CHRNA1: variants seen among roughly 807,000 people sequenced by gnomAD.
The protein encoded by CHRNA1 is cholinergic receptor nicotinic alpha 1 subunit, also known as acetylcholine receptor subunit alpha.
CHRNA1 carries 35 observed loss-of-function variants against 47.1 expected under a neutral mutation model. That is an observed-to-expected ratio of 0.74 (90% CI 0.57 to 0.99). The LOEUF (loss-of-function observed/expected upper bound fraction) is 0.99. CHRNA1 is among the 50% of genes least tolerant of loss of function. The pLI, the probability that CHRNA1 is intolerant of heterozygous loss-of-function variation, is 0.00. For synonymous variants in CHRNA1, 229 were observed against 223.6 expected (o/e 1.02, Z -0.22); for missense variants, 506 against 591.1 (o/e 0.86, Z 1.49).
chr2:174,749,496 T>G (rs900009903), intron 7 of CHRNA1, among the ~76,000 whole-genome samples: 1 of 152,232 alleles, frequency 6.6e-6, no homozygotes, highest in African/African-American at 2.4e-5. Context: ...AGTCCTTCAC[T>G]AAAACTCACT....
At chr2:174,759,177 A>G (rs1684042147) in intron 3 of CHRNA1, among the ~76,000 whole-genome samples, 154 bp downstream of exon 3, 1 of 152,184 alleles carries the variant, frequency 6.6e-6, no homozygotes, top group African/African-American at 2.4e-5. Flanking sequence ...AAGCAAAACC[A>G]AAACCAAACA....
rs1553469042 is a variant in CHRNA1 at position 174,749,940 on chromosome 2, AC to A, written c.1002+5del. The A allele has an allele frequency of 6.2e-7, 1 of 1,613,210 alleles. No homozygotes were observed. Among genetic ancestry groups the A allele is most frequent in the Non-Finnish European group, 8.5e-7 (1 of 1,179,478 alleles). ...GTGTGAAGTCTGCAGGGGCCTCCCC[AC>A]TCACCTTCCGCACCCAGTTGGGCAT... is the stretch of plus-strand genomic sequence containing the variant. On this transcript the variant is annotated splice_donor_5th_base_variant and intron_variant, in intron 7 of 8. Coordinates refer to ENST00000348749, the MANE Select transcript of CHRNA1 (RefSeq NM_000079.4).
At chr2:174,756,139 T>A (rs2105349687) in intron 4 of CHRNA1, among the ~76,000 whole-genome samples, 2 of 152,190 alleles carry the variant, frequency 1.3e-5, no homozygotes, top group South Asian at 2.1e-4. Context: ...ATGTTGGCAA[T>A]GATTTATTAT....
rs1558914914 is a variant in CHRNA1 at position 174,759,574 on chromosome 2, A to G, written c.103T>C (p.Tyr35His). The change falls in exon 2 of 9, where the codon TAC becomes CAC. Residue 35 changes from tyrosine to histidine, a missense_variant. Transcript: ENST00000348749. ...TRLVAKLFKD[Y>H]SSVVRPVEDH... ...TCCACTGGCCGCACCACGCTGCTGTAGTCTTTAAATAGCTTTGCCACCAGA... is the reference window on the plus strand; with the variant it reads ...TCCACTGGCCGCACCACGCTGCTGTGGTCTTTAAATAGCTTTGCCACCAGA... The G allele has an allele frequency of 6.2e-7, 1 of 1,614,078 alleles. No homozygotes were observed. The highest frequency in any genetic ancestry group is 8.5e-7 in the Non-Finnish European group (1 of 1,180,008).
intron 6 of CHRNA1, chr2:174,753,026 T>C (rs1461349848): frequency 8.1e-6 from 2 of 248,038 alleles, no homozygotes; most frequent in Non-Finnish European, 1.6e-5. Context: ...AGTAGGGTCT[T>C]GTGTGTGAAG....
Position 174,748,245 on chromosome 2 carries a change from T to C in CHRNA1, c.1253A>G (p.Glu418Gly), listed in dbSNP as rs765028923. The part of the protein sequence containing the change: ...SDQESNNAAA[E>G]WKYVAMVMDH... ...CATCACCATTGCAACGTACTTCCAC[T>C]CTGCCGCCGCCTGGGAGAGAGGAAA... The change falls in exon 9 of 9, where the codon GAG (glutamate) becomes GGG (glycine). Residue 418 changes from glutamate (E) to glycine (G), a missense_variant. Glu to Gly is a moderately conservative substitution (Grantham distance 98, BLOSUM62 -2). Coordinates refer to ENST00000348749, the MANE Select transcript of CHRNA1 (RefSeq NM_000079.4). 6 of 1,614,152 alleles carry C rather than the reference T, an allele frequency of 3.7e-6. No homozygotes were observed. The South Asian group carries it at 6.6e-5, about 18-fold the overall frequency.
intron 3 of CHRNA1, chr2:174,757,955 C>G (rs904684234): frequency 1.2e-5 from 19 of 1,535,866 alleles, no homozygotes; most frequent in Non-Finnish European, 1.6e-5. Flanking sequence ...CCTCATTCTG[C>G]AGATGAGAAA....
chr2:174,753,820 G>A (rs966484097), intron 5 of CHRNA1, 80 bp from the exon 6 acceptor site: 7 of 1,338,640 alleles, frequency 5.2e-6, no homozygotes, highest in Admixed American at 3.8e-5. Context: ...GCAGTGACAA[G>A]GCCACAGATT....
intron 3 of CHRNA1, 67 bp downstream of exon 3, chr2:174,759,264 C>T: frequency 9.8e-6 from 15 of 1,523,662 alleles, no homozygotes; most frequent in Non-Finnish European, 1.4e-5. Flanking sequence ...TATTGATTTC[C>T]TCTGGGCCCA....
At chr2:174,761,822 G>T (rs1684106526) in intron 1 of CHRNA1, among the ~76,000 whole-genome samples, 2 of 152,132 alleles carry the variant, frequency 1.3e-5, no homozygotes, top group Admixed American at 6.5e-5. Context: ...TCTATCCTGG[G>T]CCTCATCCAT....
rs1011365178 is a variant in CHRNA1, at chr2:174,747,725, A to G, written c.*399T>C. 1.1e-5 allele frequency: 3 copies of G among 280,154 alleles called. No individual in the cohort carries two copies. Among genetic ancestry groups the G allele is most frequent in the African/African-American group, 4.4e-5 (2 of 45,386 alleles). The allele number at this position is 280,154 out of a possible 1,614,324, so 17.4% of individuals were successfully genotyped here. A position where few individuals can be genotyped will look rare whatever the true frequency, so the allele number is the denominator to read the frequency against. ...TACAAAACTGACTCTTAAGCAAAGA[A>G]TACACTTCATTTAGAACATCAGCAA... On this transcript the variant is annotated 3_prime_UTR_variant, in exon 9 of 9. Coordinates refer to ENST00000348749, the MANE Select transcript of CHRNA1 (RefSeq NM_000079.4).
intron 3 of CHRNA1, 34 bp downstream of exon 3, chr2:174,759,297 A>C: frequency 6.2e-7 from 1 of 1,611,094 alleles, no homozygotes; most frequent in East Asian, 2.2e-5. Flanking sequence ...GTGTGAATGA[A>C]AACGACACAC....
intron 4 of CHRNA1, among the ~76,000 whole-genome samples, chr2:174,754,813 G>A (rs1683942421): frequency 6.6e-6 from 1 of 151,020 alleles, no homozygotes; most frequent in Non-Finnish European, 1.5e-5. Flanking sequence ...AAAAACACAG[G>A]AATTTTACAT....
chr2:174,749,974 G>A lies in CHRNA1; in HGVS notation c.974C>T (p.Thr325Ile). The A allele has an allele frequency of 6.2e-7, 1 of 1,614,164 alleles. No individual in the cohort carries two copies. The highest frequency in any genetic ancestry group is 8.5e-7 in the Non-Finnish European group (1 of 1,180,032). The change falls in exon 7 of 9, where the codon ACC (threonine) becomes ATC (isoleucine). Residue 325 changes from threonine to isoleucine, a missense_variant. By Grantham distance (89) the Thr-to-Ile change is moderately conservative (BLOSUM62 -1). Coordinates refer to ENST00000348749, the MANE Select transcript of CHRNA1 (RefSeq NM_000079.4). ...VINTHHRSPS[T>I]HVMPNWVRKV... The stretch of plus-strand genomic sequence containing the variant: ...CCGCACCCAGTTGGGCATGACATGG[G>A]TGCTGGGTGAGCGGTGGTGTGTGTT...
intron 6 of CHRNA1, 74 bp downstream of exon 6, chr2:174,753,429 A>G: frequency 7.2e-7 from 1 of 1,391,310 alleles, no homozygotes; most frequent in Non-Finnish European, 1.0e-6. Context: ...GCACATGATT[A>G]TTTCTGGCTT....
At chr2:174,752,314 T>C (rs1318637434) in intron 6 of CHRNA1, among the ~76,000 whole-genome samples, 1 of 152,028 alleles carries the variant, frequency 6.6e-6, no homozygotes, top group Non-Finnish European at 1.5e-5. Flanking sequence ...CTCACACCTG[T>C]AATCCCAGCA....
chr2:174,753,531 G>A lies in CHRNA1; in HGVS notation c.750C>T (p.Gly250=), dbSNP rs186607397. The change falls in exon 6 of 9, where the codon GGC becomes GGT. Residue 250 remains glycine (G), a synonymous_variant. Coordinates refer to ENST00000348749, the MANE Select transcript of CHRNA1 (RefSeq NM_000079.4). ...IPCLLFSFLT[G]LVFYLPTDSG... is the part of the protein sequence containing the mutation. ...AGTCTGTGGGCAGGTAGAATACCAG[G>A]CCAGTTAAGAAGGAGAAGAGCAGGC... 1.4e-5 allele frequency: 22 copies of A among 1,614,196 alleles called. No homozygotes were observed. The African/African-American group carries it at 2.5e-4, about 19-fold the overall frequency.
intron 1 of CHRNA1, among the ~76,000 whole-genome samples, chr2:174,760,803 T>C (rs1684087786): frequency 6.6e-6 from 1 of 152,224 alleles, no homozygotes. Context: ...AAAACTGTGC[T>C]TTGTTGACCT....
chr2:174,761,215 C>A (rs188515015), intron 1 of CHRNA1, among the ~76,000 whole-genome samples: 2 of 152,286 alleles, frequency 1.3e-5, no homozygotes, highest in East Asian at 3.9e-4. Flanking sequence ...TAATTCAAGC[C>A]TTCCGTGGGT....
Sources: allele counts gnomAD v4.1 joint callset (sites outside exome capture counted in the v4.1 genomes callset), GRCh38; gene constraint gnomAD v4.1.1; transcripts MANE v1.5; gene names NCBI Gene and HGNC (gene_info 2026-07-23, HGNC 2026-07-21).